PSIP1: variants seen among roughly 807,000 people sequenced by gnomAD.
PSIP1 encodes the protein PC4 and SFRS1-interacting protein.
PSIP1 carries 19 observed loss-of-function variants against 74.7 expected under a neutral mutation model. The ratio of observed to expected loss-of-function variants is 0.25; its 90% CI spans 0.18 to 0.37. The LOEUF is 0.37. Ranked by LOEUF, PSIP1 falls within the 10% of genes least tolerant of loss-of-function variation. PSIP1 has a pLI of 1.00. For missense variants in PSIP1, 601 were observed against 614.3 expected, an observed-to-expected ratio of 0.98 and a Z score of 0.23; for synonymous variants, 222 against 195.3, an observed-to-expected ratio of 1.14 and a Z score of -1.14.
Position 15,468,675 on chromosome 9 carries a change from G to T in PSIP1, c.1375C>A (p.Gln459Lys). The T allele has an allele frequency of 6.2e-7, 1 of 1,614,010 alleles. No homozygotes were observed. The highest frequency in any genetic ancestry group is 8.5e-7 in the Non-Finnish European group (1 of 1,179,986). The change falls in exon 14 of 16, where the codon CAA becomes AAA. Residue 459 changes from glutamine (Q) to lysine (K), a missense_variant. Coordinates refer to ENST00000380733, the MANE Select transcript of PSIP1 (RefSeq NM_033222.5). The stretch of plus-strand genomic sequence containing the variant: ...TTTTTGTTTGGCCCTTTCTTCCCTT[G>T]ATCTTTGGTTTTATTCGCTTCCTCA... ...QHEEANKTKD[Q>K]GKKGPNKKLE...
rs772040451 is a variant in PSIP1 at position 15,506,592 on chromosome 9, G to A, written c.118C>T (p.Leu40=). The change falls in exon 3 of 16, where the codon CTA becomes TTA. Residue 40 remains leucine, a synonymous_variant. Transcript: ENST00000380733. Reference sequence around the variant, plus strand: ...TGAGTTCCAAAAAAGAAAATGGGTAGTTTGTTTGTGGGTGGCTTTACAGCT... The same window carrying A: ...TGAGTTCCAAAAAAGAAAATGGGTAATTTGTTTGTGGGTGGCTTTACAGCT... ...DGAVKPPTNK[L]PIFFFGTHET... 1 of 1,612,946 alleles carries A rather than the reference G, an allele frequency of 6.2e-7. No homozygotes were observed. Among genetic ancestry groups the A allele is most frequent in the Non-Finnish European group, 8.5e-7 (1 of 1,179,228 alleles).
At chr9:15,487,559 A>G (rs2036608874) in intron 4 of PSIP1, among the ~76,000 whole-genome samples, 1 of 152,114 alleles carries the variant, frequency 6.6e-6, no homozygotes, top group Non-Finnish European at 1.5e-5. Flanking sequence ...TCAAAATTGC[A>G]CCACTGCACT....
Position 15,472,494 on chromosome 9 carries a change from T to G in PSIP1, c.977+138A>C, listed in dbSNP as rs535297255. On this transcript the variant is annotated intron_variant, in intron 10 of 15. Coordinates refer to ENST00000380733, the MANE Select transcript of PSIP1 (RefSeq NM_033222.5). ...CTGAAATAAGATCATCATCATATAT[T>G]GAAGATTTTTCTAACACATGGGAAA... 7.0e-6 allele frequency: 10 copies of G among 1,424,302 alleles called. No individual in the cohort carries two copies. In the African/African-American group the frequency reaches 1.3e-4, roughly 19 times the overall value. The allele number at this position is 1,424,302 out of a possible 1,614,324, so 88.2% of individuals were successfully genotyped here. A position where few individuals can be genotyped will look rare whatever the true frequency, so the allele number is the denominator to read the frequency against.
intron 3 of PSIP1, among the ~76,000 whole-genome samples, chr9:15,499,910 A>T (rs1347207147): frequency 6.6e-6 from 1 of 151,970 alleles, no homozygotes; most frequent in Non-Finnish European, 1.5e-5. Context: ...ACATACACAA[A>T]ACAGGAAATC....
chr9:15,475,168 CT>C (rs1176228929), intron 8 of PSIP1, among the ~76,000 whole-genome samples: 1 of 152,124 alleles, frequency 6.6e-6, no homozygotes, highest in Non-Finnish European at 1.5e-5. Context: ...CCTTTAGAAA[CT>C]TTTTATTATA....
intron 3 of PSIP1, among the ~76,000 whole-genome samples, chr9:15,497,951 T>C (rs1250322038): frequency 1.3e-5 from 2 of 152,150 alleles, no homozygotes; most frequent in African/African-American, 4.8e-5. Flanking sequence ...TTAAAATGAG[T>C]ATCTTTTTAT....
At chr9:15,480,181 G>T (rs1236627953) in intron 6 of PSIP1, among the ~76,000 whole-genome samples, 1 of 152,260 alleles carries the variant, frequency 6.6e-6, no homozygotes, top group East Asian at 1.9e-4. Context: ...TGATTCTCCT[G>T]GAGAGAATGG....
intron 7 of PSIP1, among the ~76,000 whole-genome samples, chr9:15,479,307 A>C (rs2036234797): frequency 6.6e-6 from 1 of 152,174 alleles, no homozygotes; most frequent in Non-Finnish European, 1.5e-5. Context: ...TACGACTCTT[A>C]AGTGAAAGGT....
At chr9:15,466,664 T>C (rs930953616) in intron 15 of PSIP1, 84 bp downstream of exon 15, 13 of 1,050,908 alleles carry the variant, frequency 1.2e-5, no homozygotes, top group Non-Finnish European at 1.8e-5. Context: ...CTGCTTATTA[T>C]AGTAAGATAA....
chr9:15,493,124 G>A (rs2036911871), intron 3 of PSIP1, among the ~76,000 whole-genome samples: 1 of 152,092 alleles, frequency 6.6e-6, no homozygotes, highest in African/African-American at 2.4e-5. Context: ...TGCATCATCG[G>A]GCTGCAAATT....
In PSIP1 at chr9:15,510,914, C is replaced by A; in HGVS notation, c.-239G>T. 1 of 152,954 alleles carries A rather than the reference C, an allele frequency of 6.5e-6. No homozygotes were observed. Among genetic ancestry groups the A allele is most frequent in the South Asian group, 1.9e-4 (1 of 5,148 alleles). The allele number at this position is 152,954 out of a possible 1,614,324, so 9.5% of individuals were successfully genotyped here. A position where few individuals can be genotyped will look rare whatever the true frequency, so the allele number is the denominator to read the frequency against. ...GCGCCACCAGCTGCCGCAGAGGCGT[C>A]TCAACGGCTCGGAATCGCAACCGCG... On this transcript the variant is annotated 5_prime_UTR_variant, in exon 1 of 16. Transcript: ENST00000380733.
intron 3 of PSIP1, among the ~76,000 whole-genome samples, chr9:15,490,682 C>CA (rs869054621): frequency 0.092 from 5,001 of 54,326 alleles, 237 homozygotes; most frequent in African/African-American, 0.14. Flanking sequence ...GACTCTGTCT[C>CA]AAAAAAAAAA....
At chr9:15,476,875 G>C (rs112727229) in intron 8 of PSIP1, among the ~76,000 whole-genome samples, 2 of 152,152 alleles carry the variant, frequency 1.3e-5, no homozygotes, top group Admixed American at 6.6e-5. Flanking sequence ...ACTATGGTCC[G>C]AAAGTAGGCT....
chr9:15,471,961 A>C (rs1425019145), intron 10 of PSIP1: 1 of 974,300 alleles, frequency 1.0e-6, no homozygotes, highest in East Asian at 1.1e-4. Context: ...TCTAAAGGTA[A>C]CTAGGAAAGC....
chr9:15,465,730 CATT>C lies in PSIP1; in HGVS notation c.1533-153_1533-151del, dbSNP rs746909526. ...AAACTTGACTTGTTATTAGAACAGT[CATT>C]ATTATTTTTTTCTTCTTCAAAACTG... On this transcript the variant is annotated intron_variant, in intron 15 of 15. Transcript: ENST00000380733. The C allele has an allele frequency of 7.6e-5, 44 of 580,818 alleles. 1 individual carries two copies. The highest frequency in any genetic ancestry group is 4.5e-4 in the South Asian group (16 of 35,948). The allele number at this position is 580,818 out of a possible 1,614,324, so 36.0% of individuals were successfully genotyped here. A position where few individuals can be genotyped will look rare whatever the true frequency, so the allele number is the denominator to read the frequency against.
Position 15,465,025 on chromosome 9 carries a change from G to A in PSIP1, c.*495C>T. 1 of 221,204 alleles carries A rather than the reference G, an allele frequency of 4.5e-6. No homozygotes were observed. The highest frequency in any genetic ancestry group is 9.0e-6 in the Non-Finnish European group (1 of 110,506). 13.7% of individuals were successfully genotyped at this position (221,204 alleles called of 1,614,324 possible). ...TTAAAATTAACTTTTGATAAAAAGG[G>A]AGTGAGTACTTGTATAGAAGTAACA... is the stretch of plus-strand genomic sequence containing the variant. On this transcript the variant is annotated 3_prime_UTR_variant, in exon 16 of 16. Coordinates refer to ENST00000380733, the MANE Select transcript of PSIP1 (RefSeq NM_033222.5).
At chr9:15,469,545 A>G (rs544704825) in intron 11 of PSIP1, among the ~76,000 whole-genome samples, 3 of 152,250 alleles carry the variant, frequency 2.0e-5, no homozygotes, top group African/African-American at 7.2e-5. Flanking sequence ...ATGCAGTGTA[A>G]AAGCACAAAA....
intron 3 of PSIP1, among the ~76,000 whole-genome samples, chr9:15,498,694 A>C (rs908220392): frequency 3.3e-5 from 5 of 152,200 alleles, no homozygotes; most frequent in African/African-American, 1.2e-4. Context: ...TGCTAAGTAA[A>C]TGCAGGATAT....
intron 4 of PSIP1, among the ~76,000 whole-genome samples, chr9:15,487,258 A>G (rs1388919303): frequency 5.3e-5 from 8 of 152,060 alleles, no homozygotes; most frequent in Non-Finnish European, 1.0e-4. Flanking sequence ...GAGGATAAAA[A>G]AGACCATAAA....
Sources: allele counts gnomAD v4.1 joint callset (sites outside exome capture counted in the v4.1 genomes callset), GRCh38; gene constraint gnomAD v4.1.1; transcripts MANE v1.5; gene names NCBI Gene and HGNC (gene_info 2026-07-23, HGNC 2026-07-21).